Variants in MYO16 observed in about 807,000 individuals in gnomAD.
The protein encoded by MYO16 is unconventional myosin-XVI.
A neutral mutation model predicts 205.3 loss-of-function variants in MYO16; 94 were observed. The ratio of observed to expected loss-of-function variants is 0.46; its 90% confidence interval spans 0.39 to 0.54. MYO16 has a LOEUF of 0.54. MYO16 is among the 20% of genes least tolerant of loss of function. MYO16 has a pLI of 0.00. For synonymous variants in MYO16, 988 were observed against 954.0 expected, an observed-to-expected ratio of 1.04 and a Z score of -0.66; for missense variants, 2,315 against 2,387.5, an observed-to-expected ratio of 0.97 and a Z score of 0.63.
At chr13:109,016,152 G>C (rs1885808330) in intron 22 of MYO16, among the ~76,000 whole-genome samples, 1 of 152,060 alleles carries the variant, frequency 6.6e-6, no homozygotes, top group South Asian at 2.1e-4. Context: ...CAGAGATTCT[G>C]GTATATTGTG....
chr13:108,712,611 C>T (rs368944432), intron 2 of MYO16, 50 bp from the exon 3 acceptor site: 21 of 1,508,006 alleles, frequency 1.4e-5, no homozygotes, highest in South Asian at 7.9e-5. Flanking sequence ...TGGTTCCACA[C>T]GTGGAAGAAG....
intron 34 of MYO16, among the ~76,000 whole-genome samples, chr13:109,204,123 T>C (rs1037335349): frequency 6.6e-6 from 1 of 152,198 alleles, no homozygotes; most frequent in Non-Finnish European, 1.5e-5. Flanking sequence ...CCTGATGTTT[T>C]AGAAAAATGA....
intron 8 of MYO16, among the ~76,000 whole-genome samples, chr13:108,821,490 A>T (rs1417197961): frequency 6.6e-6 from 1 of 152,198 alleles, no homozygotes; most frequent in African/African-American, 2.4e-5. Flanking sequence ...AAGAACAAAT[A>T]GACATTTTTA....
intron 1 of MYO16, among the ~76,000 whole-genome samples, chr13:108,654,314 C>T (rs1293914319): frequency 1.3e-5 from 2 of 152,132 alleles, no homozygotes; most frequent in Non-Finnish European, 2.9e-5. Context: ...CGGTTTCCCC[C>T]ATACTGTTCT....
At chr13:109,102,246 G>A (rs1472782391) in intron 28 of MYO16, among the ~76,000 whole-genome samples, 2 of 152,124 alleles carry the variant, frequency 1.3e-5, no homozygotes, top group African/African-American at 4.8e-5. Flanking sequence ...CTAACCAAAA[G>A]TGATGTCTGC....
the MYO16 span, among the ~76,000 whole-genome samples, chr13:108,556,516 T>C: frequency 6.6e-6 from 1 of 152,326 alleles, no homozygotes; most frequent in East Asian, 1.9e-4. Flanking sequence ...GAGTTCCTTA[T>C]GTATTTTGGA....
At chr13:108,549,566 G>A in the MYO16 span, among the ~76,000 whole-genome samples, 1 of 152,208 alleles carries the variant, frequency 6.6e-6, no homozygotes, top group Admixed American at 6.5e-5. Flanking sequence ...TAAGGAGTTA[G>A]TAAATACCTA....
chr13:108,686,388 A>G (rs1882678201), intron 2 of MYO16, among the ~76,000 whole-genome samples: 1 of 152,234 alleles, frequency 6.6e-6, no homozygotes, highest in African/African-American at 2.4e-5. Context: ...CACACGTATT[A>G]AAATATCTAA....
At chr13:109,155,894 G>A (rs886212946) in intron 32 of MYO16, among the ~76,000 whole-genome samples, 6 of 152,060 alleles carry the variant, frequency 3.9e-5, no homozygotes, top group East Asian at 1.9e-4. Context: ...TCTGAAATTC[G>A]TCTTTCTGAG....
At chr13:108,838,199 AAAAC>A (rs1232995064) in intron 9 of MYO16, among the ~76,000 whole-genome samples, 1 of 152,174 alleles carries the variant, frequency 6.6e-6, no homozygotes, top group Admixed American at 6.5e-5. Flanking sequence ...ACTCATTCAT[AAAAC>A]AAACAGACAT....
At position 109,086,953 on chromosome 13, in the gene MYO16, T is replaced by C. The variant is rs547235465; in HGVS notation, c.3336-13832T>C. 2.6e-5 allele frequency among the ~76,000 whole-genome samples: 4 copies of C among 152,362 alleles called. No homozygotes were observed. The South Asian group carries it at 8.3e-4, about 32-fold the overall frequency. ...ATAATAGAGTTAAATGACATTAAAA[T>C]TCACTGCTACTAATGTTTAATATCT... On this transcript the variant is annotated intron_variant, in intron 27 of 34. Transcript: ENST00000457511.
At chr13:109,129,071 CTT>C (rs372300769) in intron 31 of MYO16, among the ~76,000 whole-genome samples, 21 of 128,138 alleles carry the variant, frequency 1.6e-4, no homozygotes, top group Non-Finnish European at 2.2e-4. Context: ...TGCGCCAGGC[CTT>C]TTTTTTTTTT....
rs558584253 is a variant in MYO16 at position 108,797,861 on chromosome 13, C to T, written c.741+4221C>T. Among the ~76,000 whole-genome samples the T allele has an allele frequency of 1.6e-3, 250 of 152,314 alleles. 3 individuals are homozygous for T. Among genetic ancestry groups the T allele is most frequent in the Non-Finnish European group, 2.3e-3 (158 of 68,026 alleles). On this transcript the variant is annotated intron_variant, in intron 6 of 34. Coordinates refer to ENST00000457511, the MANE Select transcript of MYO16 (RefSeq NM_001198950.3). ...CCACTGCTAAATAAAAGAGCATACA[C>T]ACTTCAGTAGAGAAGCTATTGAAGT...
rs915632910 is a variant in MYO16 at position 108,671,938 on chromosome 13, C to T, written c.292+5789C>T. ...CATCACATGAGGGTTAGGGCTTCTA[C>T]ATATGATTTTTGAGGGAAAGGAACA... is the stretch of plus-strand genomic sequence containing the variant. On this transcript the variant is annotated intron_variant, in intron 2 of 34. Coordinates refer to ENST00000457511, the MANE Select transcript of MYO16 (RefSeq NM_001198950.3). Among the ~76,000 whole-genome samples, 70 of 152,088 alleles carry T rather than the reference C, an allele frequency of 4.6e-4. 1 individual carries two copies. Among genetic ancestry groups the T allele is most frequent in the Non-Finnish European group, 7.4e-5 (5 of 68,004 alleles).
chr13:108,954,769 T>C (rs897065705), intron 16 of MYO16, among the ~76,000 whole-genome samples: 3 of 152,146 alleles, frequency 2.0e-5, no homozygotes, highest in Non-Finnish European at 2.9e-5. Flanking sequence ...AAACATTTAT[T>C]GCTAAAGGTT....
intron 25 of MYO16, among the ~76,000 whole-genome samples, chr13:109,053,907 A>T (rs1346284256): frequency 6.6e-6 from 1 of 152,118 alleles, no homozygotes; most frequent in Non-Finnish European, 1.5e-5. Flanking sequence ...AGTACCAATG[A>T]ATCACTTTAG....
chr13:108,740,144 T>C (rs1884852691), intron 4 of MYO16, among the ~76,000 whole-genome samples: 2 of 148,380 alleles, frequency 1.3e-5, no homozygotes, highest in South Asian at 4.3e-4. Flanking sequence ...CTCGTCACAG[T>C]CATTCTCTGT....
intron 9 of MYO16, among the ~76,000 whole-genome samples, chr13:108,841,229 A>G (rs1014080127): frequency 3.3e-5 from 5 of 152,240 alleles, no homozygotes; most frequent in African/African-American, 1.2e-4. Flanking sequence ...GATTATATCA[A>G]TGAAACACAC....
At chr13:108,869,327 T>G (rs1266728222) in intron 12 of MYO16, among the ~76,000 whole-genome samples, 1 of 152,172 alleles carries the variant, frequency 6.6e-6, no homozygotes, top group Non-Finnish European at 1.5e-5. Flanking sequence ...GAGGATATAT[T>G]GCATAGTGTT....
Sources: gnomAD v4.1 joint callset for allele counts (sites outside exome capture counted in the v4.1 genomes callset) on GRCh38, gnomAD v4.1.1 for gene constraint, MANE v1.5 for transcripts, NCBI Gene and HGNC (gene_info 2026-07-23, HGNC 2026-07-21) for gene names.